Variants in EYS observed in about 807,000 individuals in gnomAD.
The protein encoded by EYS is EGF-like photoreceptor maintenance factor, also known as protein eyes shut homolog.
EYS carries 250 observed loss-of-function variants against 282.1 expected under a neutral mutation model. The observed-to-expected ratio is 0.89, with a 90% CI of 0.80 to 0.98. The LOEUF (loss-of-function observed/expected upper bound fraction) is 0.98. EYS is among the 50% of genes least tolerant of loss of function. The pLI is 0.00. For synonymous variants in EYS, 1,355 were observed against 1,282.9 expected, an observed-to-expected ratio of 1.06 and a Z score of -1.20; for missense variants, 4,016 against 3,709.0, an observed-to-expected ratio of 1.08 and a Z score of -2.15.
At chr6:65,531,732 C>A (rs1481103718) in intron 2 of EYS, among the ~76,000 whole-genome samples, 3 of 152,078 alleles carry the variant, frequency 2.0e-5, no homozygotes, top group African/African-American at 7.2e-5. Context: ...GAGCTGGGAG[C>A]AGTAATCAAC....
At chr6:65,512,306 C>A (rs1244614900) in intron 2 of EYS, among the ~76,000 whole-genome samples, 7 of 151,868 alleles carry the variant, frequency 4.6e-5, no homozygotes, top group Non-Finnish European at 8.8e-5. Context: ...TCCTAATTAA[C>A]ACGGTGAAAC....
intron 21 of EYS, among the ~76,000 whole-genome samples, chr6:64,819,450 T>G (rs1764836203): frequency 6.6e-6 from 1 of 152,040 alleles, no homozygotes; most frequent in Admixed American, 6.6e-5. Context: ...AACTAACCCA[T>G]ATATAGAAAT....
At chr6:64,706,959 G>A (rs62418864) in intron 22 of EYS, among the ~76,000 whole-genome samples, 1 of 152,036 alleles carries the variant, frequency 6.6e-6, no homozygotes, top group Non-Finnish European at 1.5e-5. Context: ...CAACCCCACT[G>A]CTGGGTATTT....
rs544554329 is a variant in EYS at position 65,400,738 on chromosome 6, C to A, written c.1184+1740G>T. On this transcript the variant is annotated intron_variant, in intron 7 of 42. Coordinates refer to ENST00000503581, the MANE Select transcript of EYS (RefSeq NM_001142800.2). ...TACCCATATAAATTTAGATCTATAG[C>A]ATATGTTCAGGTAGGGAAACTAATA... Among the ~76,000 whole-genome samples, 7 of 152,070 alleles carry A rather than the reference C, an allele frequency of 4.6e-5. No individual in the cohort carries two copies. In the East Asian group the frequency reaches 9.6e-4, roughly 21 times the overall value.
At chr6:64,244,860 G>C (rs1766957480) in intron 30 of EYS, among the ~76,000 whole-genome samples, 1 of 151,816 alleles carries the variant, frequency 6.6e-6, no homozygotes, top group South Asian at 2.1e-4. Flanking sequence ...TAAGTTCTAG[G>C]GTATATGTGC....
At chr6:63,919,328 T>TTC (rs1554187379) in intron 35 of EYS, among the ~76,000 whole-genome samples, 2 of 143,414 alleles carry the variant, frequency 1.4e-5, no homozygotes, top group Non-Finnish European at 3.0e-5. Context: ...TTTTTTTTTT[T>TTC]TTTTTTTGTG....
intron 22 of EYS, among the ~76,000 whole-genome samples, chr6:64,746,606 G>A (rs1039658068): frequency 7.9e-5 from 12 of 152,130 alleles, no homozygotes; most frequent in African/African-American, 2.2e-4. Flanking sequence ...CATGAATAAA[G>A]AATTTAGGAA....
chr6:65,423,709 G>A (rs753108812), intron 5 of EYS, among the ~76,000 whole-genome samples: 9 of 151,780 alleles, frequency 5.9e-5, no homozygotes, highest in Non-Finnish European at 1.2e-4. Context: ...CCCAACTCAA[G>A]CAAGGCCACA....
At position 65,490,364 on chromosome 6, in the gene EYS, T is replaced by C. The variant is rs534577534; in HGVS notation, c.862+230A>G. Reference sequence around the variant, plus strand: ...GTAAGTAATTTTATGGTGAAAAGCATGTGAACTGTTGTTCAGACTCTTCTT... The same window carrying C: ...GTAAGTAATTTTATGGTGAAAAGCACGTGAACTGTTGTTCAGACTCTTCTT... On this transcript the variant is annotated intron_variant, in intron 5 of 42. Transcript: ENST00000503581. The C allele has an allele frequency of 4.9e-5, 18 of 367,548 alleles. No homozygotes were observed. The East Asian group carries it at 7.2e-4, about 15-fold the overall frequency. The allele number at this position is 367,548 out of a possible 1,614,324, so 22.8% of individuals were successfully genotyped here.
chr6:64,502,692 A>T (rs1192204943), intron 26 of EYS, among the ~76,000 whole-genome samples: 2 of 151,546 alleles, frequency 1.3e-5, no homozygotes, highest in Non-Finnish European at 2.9e-5. Context: ...TGCTATTGAC[A>T]GTTTTGTTTT....
intron 35 of EYS, among the ~76,000 whole-genome samples, chr6:63,937,133 A>T (rs1413136583): frequency 6.6e-6 from 1 of 152,060 alleles, no homozygotes; most frequent in African/African-American, 2.4e-5. Context: ...AAACCCCTAA[A>T]TACTAGACAA....
At chr6:63,924,346 C>T (rs191266530) in intron 35 of EYS, among the ~76,000 whole-genome samples, 5 of 152,224 alleles carry the variant, frequency 3.3e-5, no homozygotes, top group South Asian at 2.1e-4. Flanking sequence ...TGAAATGCTT[C>T]GTGTGGAAAA....
At chr6:65,596,206 G>A (rs905057738) in intron 2 of EYS, among the ~76,000 whole-genome samples, 12 of 152,068 alleles carry the variant, frequency 7.9e-5, no homozygotes, top group African/African-American at 2.4e-4. Context: ...TCTTGGATAA[G>A]CTGATTCACT....
intron 30 of EYS, among the ~76,000 whole-genome samples, chr6:64,270,223 T>G (rs79364088): frequency 0.023 from 3,552 of 152,270 alleles, 135 homozygotes; most frequent in African/African-American, 0.081. Flanking sequence ...CAGCAAAGTA[T>G]CTACTTCTCA....
chr6:64,338,807 T>C (rs760373355), intron 29 of EYS, among the ~76,000 whole-genome samples: 2 of 151,882 alleles, frequency 1.3e-5, no homozygotes, highest in Non-Finnish European at 2.9e-5. Context: ...TGGAACAGAA[T>C]AGACAACCCA....
chr6:64,544,469 A>T (rs1336390822), intron 26 of EYS, among the ~76,000 whole-genome samples: 1 of 152,154 alleles, frequency 6.6e-6, no homozygotes, highest in African/African-American at 2.4e-5. Context: ...GAGAAAGGAA[A>T]ATTGTGGTGT....
At chr6:65,337,407 GT>G (rs1203332568) in intron 10 of EYS, among the ~76,000 whole-genome samples, 3 of 151,010 alleles carry the variant, frequency 2.0e-5, no homozygotes, top group Non-Finnish European at 3.0e-5. Context: ...TAGTTGTAAA[GT>G]TTTTTTTCAA....
At chr6:65,406,006 A>G (rs1248802075) in intron 5 of EYS, among the ~76,000 whole-genome samples, 1 of 152,092 alleles carries the variant, frequency 6.6e-6, no homozygotes, top group Non-Finnish European at 1.5e-5. Context: ...ACTGTTTTTC[A>G]AAGTAGCTGT....
At chr6:64,806,438 T>C (rs575433495) in intron 22 of EYS, among the ~76,000 whole-genome samples, 2 of 145,532 alleles carry the variant, frequency 1.4e-5, no homozygotes, top group African/African-American at 5.6e-5. Flanking sequence ...TCTCAAATAT[T>C]TTTTTTAACA....
Sources: gnomAD v4.1 joint callset for allele counts (sites outside exome capture counted in the v4.1 genomes callset) on GRCh38, gnomAD v4.1.1 for gene constraint, MANE v1.5 for transcripts, NCBI Gene and HGNC (gene_info 2026-07-23, HGNC 2026-07-21) for gene names.